Variants in SP4 observed in about 807,000 individuals in gnomAD.
SP4 encodes the protein Sp4 transcription factor.
In SP4, 19 loss-of-function variants were observed where a neutral mutation model predicts 72.8. That is an observed-to-expected ratio of 0.26 (90% CI 0.18 to 0.38). SP4 has a LOEUF of 0.38. SP4 is among the 10% of genes least tolerant of loss of function. The pLI is 1.00. For missense variants in SP4, 1,008 were observed against 926.3 expected (o/e 1.09, Z -1.14); for synonymous variants, 395 against 333.1 (o/e 1.19, Z -2.02).
At chr7:21,472,819 A>G (rs977814570) in intron 3 of SP4, among the ~76,000 whole-genome samples, 1 of 152,070 alleles carries the variant, frequency 6.6e-6, no homozygotes, top group Admixed American at 6.5e-5. Flanking sequence ...AGGAGCTAAC[A>G]GAGAAGAAGG....
At chr7:21,489,354 C>T (rs145211010) in intron 5 of SP4, among the ~76,000 whole-genome samples, 1 of 152,004 alleles carries the variant, frequency 6.6e-6, no homozygotes, top group African/African-American at 2.4e-5. Context: ...TTGCTGAGAC[C>T]ATGTCACCCA....
intron 4 of SP4, among the ~76,000 whole-genome samples, chr7:21,479,226 A>C (rs73060314): frequency 2.0e-5 from 3 of 150,028 alleles, no homozygotes; most frequent in Non-Finnish European, 4.4e-5. Context: ...GTATCTAAGA[A>C]TTCATTGCCA....
intron 3 of SP4, among the ~76,000 whole-genome samples, chr7:21,446,289 A>T (rs1783424323): frequency 6.6e-6 from 1 of 152,192 alleles, no homozygotes; most frequent in Non-Finnish European, 1.5e-5. Context: ...TGATTGTTGA[A>T]ATCAAAGTAC....
At position 21,511,154 on chromosome 7, in the gene SP4, T is replaced by A. The variant is rs1182444917; in HGVS notation, c.2240T>A (p.Leu747Gln). Residue 747 changes from leucine to glutamine, a missense_variant, in exon 6 of 6, where the codon CTG becomes CAG. Leu to Gln is a moderately radical substitution (Grantham distance 113, BLOSUM62 -2). Coordinates refer to ENST00000222584, the MANE Select transcript of SP4 (RefSeq NM_003112.5). ...CTTGCCATTGTTACCTCGGGAGAAC[T>A]GGACTCATCTGTTACAGAGGTGCTT... is the stretch of plus-strand genomic sequence containing the variant. ...TALAIVTSGE[L>Q]DSSVTEVLGS... 6.2e-7 allele frequency: 1 copy of A among 1,614,096 alleles called. No homozygotes were observed. Among genetic ancestry groups the A allele is most frequent in the East Asian group, 2.2e-5 (1 of 44,896 alleles).
chr7:21,449,891 G>T (rs966523864), intron 3 of SP4, among the ~76,000 whole-genome samples: 8 of 152,122 alleles, frequency 5.3e-5, no homozygotes, highest in Non-Finnish European at 8.8e-5. Context: ...AGGGAATAAG[G>T]TATTAATTTT....
chr7:21,471,703 A>G lies in SP4; in HGVS notation c.1679-5376A>G, dbSNP rs769024921. On this transcript the variant is annotated intron_variant, in intron 3 of 5. Transcript: ENST00000222584. ...TTAAAAATTAACTAGGTGTGGTGGC[A>G]TGCATCTGTAGTCCCAACTACTCAG... Among the ~76,000 whole-genome samples, 13 of 152,188 alleles carry G rather than the reference A, an allele frequency of 8.5e-5. 1 individual carries two copies. The South Asian group carries it at 1.2e-3, about 15-fold the overall frequency.
rs1321585573 is a variant in SP4, at chr7:21,465,910, A to T, written c.1679-11169A>T. ...AGGCCCTTCCTGATCTATCCTTCCA[A>T]CCCTATCTTTAGCCCCCTCACCTCC... is the stretch of plus-strand genomic sequence containing the variant. On this transcript the variant is annotated intron_variant, in intron 3 of 5. Transcript: ENST00000222584. Among the ~76,000 whole-genome samples, 5 of 152,070 alleles carry T rather than the reference A, an allele frequency of 3.3e-5. No homozygotes were observed. In the East Asian group the frequency reaches 9.7e-4, roughly 29 times the overall value.
At chr7:21,487,415 T>TG (rs890748155) in intron 5 of SP4, among the ~76,000 whole-genome samples, 6 of 151,718 alleles carry the variant, frequency 4.0e-5, no homozygotes, top group South Asian at 2.1e-4. Flanking sequence ...CTAGGGTTTT[T>TG]TTTTTTTTTT....
intron 5 of SP4, among the ~76,000 whole-genome samples, chr7:21,504,221 G>C (rs1781938092): frequency 6.6e-6 from 1 of 152,140 alleles, no homozygotes; most frequent in Non-Finnish European, 1.5e-5. Flanking sequence ...GCTGGAAGGA[G>C]GAGGCTTTCT....
chr7:21,483,613 C>G (rs1281490954), intron 5 of SP4, among the ~76,000 whole-genome samples: 2 of 151,716 alleles, frequency 1.3e-5, no homozygotes, highest in East Asian at 3.9e-4. Flanking sequence ...CCCATTCTGT[C>G]TCTATTGATT....
At chr7:21,461,241 G>A (rs951411808) in intron 3 of SP4, among the ~76,000 whole-genome samples, 7 of 152,174 alleles carry the variant, frequency 4.6e-5, no homozygotes, top group African/African-American at 1.7e-4. Flanking sequence ...GTGCCATGGA[G>A]CAGGGGGCGG....
chr7:21,428,534 C>T (rs1034729230), intron 1 of SP4, 143 bp from the exon 2 acceptor site: 9 of 952,044 alleles, frequency 9.5e-6, no homozygotes, highest in East Asian at 2.6e-5. Context: ...CCTTCTCCCC[C>T]ACCCCCTGCC....
chr7:21,468,690 GAC>G (rs1455383688), intron 3 of SP4, among the ~76,000 whole-genome samples: 4 of 151,878 alleles, frequency 2.6e-5, no homozygotes, highest in Non-Finnish European at 5.9e-5. Flanking sequence ...TGTAAATCAT[GAC>G]AGTTTCGTTA....
intron 3 of SP4, among the ~76,000 whole-genome samples, chr7:21,448,180 T>C (rs1783484134): frequency 1.1e-4 from 16 of 152,240 alleles, no homozygotes; most frequent in Admixed American, 1.0e-3. Flanking sequence ...TAGTTACCCA[T>C]GATTACTGAG....
intron 5 of SP4, among the ~76,000 whole-genome samples, chr7:21,502,444 A>G (rs376185240): frequency 1.3e-5 from 2 of 152,090 alleles, no homozygotes; most frequent in East Asian, 1.9e-4. Context: ...AATGCGGGAA[A>G]GAGCAATGAC....
chr7:21,489,050 A>G (rs1784901583), intron 5 of SP4, among the ~76,000 whole-genome samples: 1 of 152,182 alleles, frequency 6.6e-6, no homozygotes, highest in South Asian at 2.1e-4. Flanking sequence ...CTAAGAAAAA[A>G]TCCTTTTCAA....
intron 5 of SP4, 97 bp from the exon 6 acceptor site, chr7:21,510,924 CA>C: frequency 8.2e-7 from 1 of 1,225,598 alleles, no homozygotes; most frequent in Non-Finnish European, 1.1e-6. Flanking sequence ...TGAAACTGTA[CA>C]AAAAGTCATA....
At position 21,481,907 on chromosome 7, in the gene SP4, G is replaced by A. The variant is rs755799851; in HGVS notation, c.1908-17G>A. 6.3e-7 allele frequency: 1 copy of A among 1,592,620 alleles called. No individual in the cohort carries two copies. The highest frequency in any genetic ancestry group is 8.6e-7 in the Non-Finnish European group (1 of 1,160,838). ...TATTTGGCAGTGTAATTAATGTTCG[G>A]TTTTTGTTTTTGCTAGAGGCAGTAA... On this transcript the variant is annotated splice_polypyrimidine_tract_variant and intron_variant, in intron 4 of 5. Coordinates refer to ENST00000222584, the MANE Select transcript of SP4 (RefSeq NM_003112.5).
chr7:21,508,521 G>T (rs1782066102), intron 5 of SP4, among the ~76,000 whole-genome samples: 1 of 152,156 alleles, frequency 6.6e-6, no homozygotes, highest in Non-Finnish European at 1.5e-5. Flanking sequence ...TAGAGACAGG[G>T]TTTCACCATG....
Sources: gnomAD v4.1 joint callset for allele counts (sites outside exome capture counted in the v4.1 genomes callset) on GRCh38, gnomAD v4.1.1 for gene constraint, MANE v1.5 for transcripts, NCBI Gene and HGNC (gene_info 2026-07-23, HGNC 2026-07-21) for gene names.